CLYBL: variants seen among roughly 807,000 people sequenced by gnomAD.
CLYBL encodes citramalyl-CoA lyase.
In CLYBL, 31 loss-of-function variants were observed where a neutral mutation model predicts 38.9. That is an observed-to-expected ratio of 0.80 (90% CI 0.60 to 1.08). The LOEUF is 1.08. Ranked by LOEUF, CLYBL falls within the 50% of genes least tolerant of loss-of-function variation. The pLI, the probability that CLYBL is intolerant of heterozygous loss-of-function variation, is 0.00. For synonymous variants in CLYBL, 171 were observed against 158.6 expected (o/e 1.08, Z -0.59); for missense variants, 434 against 411.6 (o/e 1.05, Z -0.47).
intron 3 of CLYBL, among the ~76,000 whole-genome samples, chr13:99,860,323 G>A (rs980890637): frequency 6.6e-6 from 1 of 151,968 alleles, no homozygotes; most frequent in Admixed American, 6.6e-5. Flanking sequence ...ATGTAGCTAC[G>A]AGATAATTTA....
intron 1 of CLYBL, among the ~76,000 whole-genome samples, chr13:99,717,335 A>C (rs146902973): frequency 0.028 from 4,097 of 144,862 alleles, 190 homozygotes; most frequent in African/African-American, 0.098. Context: ...CTGAGGCAGG[A>C]GAATTGCTAG....
intron 1 of CLYBL, among the ~76,000 whole-genome samples, chr13:99,700,315 C>T (rs537261475): frequency 5.3e-5 from 8 of 152,128 alleles, no homozygotes; most frequent in African/African-American, 1.7e-4. Flanking sequence ...CATGGTGGCG[C>T]GCGCCTATGA....
chr13:99,665,472 C>T (rs1436116761), intron 1 of CLYBL, among the ~76,000 whole-genome samples: 1 of 151,728 alleles, frequency 6.6e-6, no homozygotes, highest in Non-Finnish European at 1.5e-5. Context: ...ATAAAGAAAA[C>T]AAATTTTCCT....
At chr13:99,683,632 G>GA (rs2047771333) in intron 1 of CLYBL, among the ~76,000 whole-genome samples, 1 of 151,814 alleles carries the variant, frequency 6.6e-6, no homozygotes, top group Admixed American at 6.6e-5. Flanking sequence ...CCCAGTGGAA[G>GA]GTCTTTAGGG....
At chr13:99,845,304 G>T (rs74113533) in intron 2 of CLYBL, among the ~76,000 whole-genome samples, 242 of 152,328 alleles carry the variant, frequency 1.6e-3, no homozygotes, top group African/African-American at 5.4e-3. Flanking sequence ...TGGGACCAAG[G>T]CCTCTGACTC....
chr13:99,771,162 G>T (rs544324313), intron 1 of CLYBL, among the ~76,000 whole-genome samples: 7 of 151,368 alleles, frequency 4.6e-5, no homozygotes, highest in Non-Finnish European at 8.8e-5. Flanking sequence ...TCAGCCTCCT[G>T]AGTAGCTGTG....
At chr13:99,635,431 C>T (rs1170049031) in intron 1 of CLYBL, among the ~76,000 whole-genome samples, 2 of 152,152 alleles carry the variant, frequency 1.3e-5, no homozygotes, top group East Asian at 3.9e-4. Flanking sequence ...TTGTTTTCCA[C>T]ATGTGAGGGT....
chr13:99,866,499 A>G (rs1346169698), intron 6 of CLYBL, 92 bp downstream of exon 6: 9 of 1,036,096 alleles, frequency 8.7e-6, no homozygotes, highest in African/African-American at 1.6e-5. Flanking sequence ...ATCTCATCAG[A>G]TATCTCCCAT....
chr13:99,652,924 G>A (rs1404555782), intron 1 of CLYBL, among the ~76,000 whole-genome samples: 2 of 152,218 alleles, frequency 1.3e-5, no homozygotes, highest in Non-Finnish European at 2.9e-5. Flanking sequence ...AAGTTGGGAA[G>A]AGTTGCAGTC....
At chr13:99,882,145 AT>A (rs1392265971) in intron 7 of CLYBL, among the ~76,000 whole-genome samples, 1 of 152,190 alleles carries the variant, frequency 6.6e-6, no homozygotes, top group African/African-American at 2.4e-5. Flanking sequence ...ATGTAGCTGT[AT>A]TAGAACTTTA....
chr13:99,623,450 C>T (rs751964005), intron 1 of CLYBL, among the ~76,000 whole-genome samples: 1 of 152,176 alleles, frequency 6.6e-6, no homozygotes, highest in Non-Finnish European at 1.5e-5. Flanking sequence ...ATGATCTTCT[C>T]CCTCCTACCT....
At chr13:99,866,902 T>C (rs772987610) in intron 6 of CLYBL, among the ~76,000 whole-genome samples, 3 of 152,138 alleles carry the variant, frequency 2.0e-5, no homozygotes, top group Non-Finnish European at 4.4e-5. Context: ...CTCCTCTCTC[T>C]CCCACCTCCC....
intron 1 of CLYBL, among the ~76,000 whole-genome samples, chr13:99,617,838 T>G (rs1270574435): frequency 1.3e-5 from 2 of 152,222 alleles, no homozygotes; most frequent in Non-Finnish European, 2.9e-5. Context: ...CCTCCTCTTC[T>G]GGGCTGTGTC....
At chr13:99,662,072 C>T (rs1183861840) in intron 1 of CLYBL, among the ~76,000 whole-genome samples, 1 of 152,166 alleles carries the variant, frequency 6.6e-6, no homozygotes, top group Non-Finnish European at 1.5e-5. Flanking sequence ...AGAATGACCC[C>T]AAATTGGAAG....
intron 2 of CLYBL, among the ~76,000 whole-genome samples, chr13:99,817,614 C>T (rs1402662961): frequency 6.9e-6 from 1 of 143,964 alleles, no homozygotes; most frequent in Non-Finnish European, 1.5e-5. Flanking sequence ...GAGACGGCGC[C>T]ACTGCACTCC....
At chr13:99,775,251 A>G (rs2049487192) in intron 2 of CLYBL, among the ~76,000 whole-genome samples, 1 of 152,162 alleles carries the variant, frequency 6.6e-6, no homozygotes, top group African/African-American at 2.4e-5. Context: ...TTGGAAATAT[A>G]GTCTATTTCT....
chr13:99,867,033 C>T (rs1244628662), intron 6 of CLYBL, among the ~76,000 whole-genome samples: 2 of 152,054 alleles, frequency 1.3e-5, no homozygotes, highest in Non-Finnish European at 2.9e-5. Context: ...CCTGGTCACT[C>T]AGGTCCCCAT....
At chr13:99,680,247 A>G (rs1338785504) in intron 1 of CLYBL, among the ~76,000 whole-genome samples, 1 of 152,136 alleles carries the variant, frequency 6.6e-6, no homozygotes, top group Non-Finnish European at 1.5e-5. Context: ...CTAGAGCACC[A>G]TTTGTACTTC....
At chr13:99,820,851 T>C (rs4772248) in intron 2 of CLYBL, among the ~76,000 whole-genome samples, 5,279 of 152,274 alleles carry the variant, frequency 0.035, 130 homozygotes, top group East Asian at 0.083. Flanking sequence ...GTCCATCCTG[T>C]GTTATTAAGT....
Sources: allele counts gnomAD v4.1 joint callset (sites outside exome capture counted in the v4.1 genomes callset), GRCh38; gene constraint gnomAD v4.1.1; transcripts MANE v1.5; gene names NCBI Gene and HGNC (gene_info 2026-07-23, HGNC 2026-07-21).